Variants in MAPKAP1 observed in about 807,000 individuals in gnomAD.
The protein encoded by MAPKAP1 is target of rapamycin complex 2 subunit MAPKAP1.
A neutral mutation model predicts 65.7 loss-of-function variants in MAPKAP1; 20 were observed. The ratio of observed to expected loss-of-function variants is 0.30; its 90% CI spans 0.21 to 0.44. The LOEUF is 0.44. MAPKAP1 is among the 20% of genes least tolerant of loss of function. MAPKAP1 has a pLI of 1.00. For missense variants in MAPKAP1, 423 were observed against 648.0 expected (o/e 0.65, Z 3.77); for synonymous variants, 222 against 244.3 (o/e 0.91, Z 0.85).
At chr9:125,642,516 T>A (rs1275732234) in intron 4 of MAPKAP1, among the ~76,000 whole-genome samples, 1 of 152,158 alleles carries the variant, frequency 6.6e-6, no homozygotes, top group Non-Finnish European at 1.5e-5. Flanking sequence ...CATTATATGC[T>A]CATTAACATA....
intron 4 of MAPKAP1, among the ~76,000 whole-genome samples, chr9:125,586,683 C>T (rs1274064144): frequency 6.6e-6 from 1 of 152,130 alleles, no homozygotes; most frequent in Non-Finnish European, 1.5e-5. Flanking sequence ...TTTCTGTTAT[C>T]CGCCAACCTT....
intron 1 of MAPKAP1, among the ~76,000 whole-genome samples, chr9:125,705,111 G>T (rs1198247444): frequency 6.6e-6 from 1 of 152,116 alleles, no homozygotes; most frequent in Non-Finnish European, 1.5e-5. Flanking sequence ...ACATTTAAAA[G>T]ATTTCTGTAC....
At chr9:125,545,534 C>A (rs770375796) in intron 6 of MAPKAP1, among the ~76,000 whole-genome samples, 19 of 152,212 alleles carry the variant, frequency 1.2e-4, no homozygotes, top group Non-Finnish European at 2.1e-4. Context: ...ACCTCATGAA[C>A]TGCCATCCAC....
chr9:125,502,995 T>G (rs1454296382), intron 8 of MAPKAP1, among the ~76,000 whole-genome samples: 1 of 152,226 alleles, frequency 6.6e-6, no homozygotes, highest in Non-Finnish European at 1.5e-5. Flanking sequence ...AACTGAACCT[T>G]TCATCATTAT....
intron 9 of MAPKAP1, among the ~76,000 whole-genome samples, chr9:125,479,372 G>T (rs1318978093): frequency 2.0e-5 from 3 of 152,182 alleles, no homozygotes; most frequent in African/African-American, 7.2e-5. Context: ...CTGAGGTCAA[G>T]AGTTCGAGAC....
intron 3 of MAPKAP1, among the ~76,000 whole-genome samples, chr9:125,663,549 T>A (rs1221878059): frequency 6.6e-6 from 1 of 152,326 alleles, no homozygotes; most frequent in East Asian, 1.9e-4. Context: ...CCCAATCGAA[T>A]ATAAGCCCCA....
chr9:125,669,954 C>A, intron 2 of MAPKAP1, 47 bp from the exon 3 acceptor site: 1 of 1,142,894 alleles, frequency 8.7e-7, no homozygotes, highest in South Asian at 1.5e-5. Context: ...GAAAGTTTAC[C>A]ATAAACAAAG....
At chr9:125,689,215 A>T (rs544744110) in intron 1 of MAPKAP1, among the ~76,000 whole-genome samples, 1 of 149,728 alleles carries the variant, frequency 6.7e-6, no homozygotes, top group Admixed American at 6.6e-5. Flanking sequence ...AGGTGGGCGG[A>T]TCACGAAGTC....
intron 7 of MAPKAP1, among the ~76,000 whole-genome samples, chr9:125,534,001 C>T (rs1830004973): frequency 6.6e-6 from 1 of 152,096 alleles, no homozygotes; most frequent in Admixed American, 6.5e-5. Flanking sequence ...ATGCTTATGA[C>T]ACATTGAGTT....
chr9:125,487,089 C>T (rs1295969524), intron 8 of MAPKAP1, among the ~76,000 whole-genome samples: 3 of 152,144 alleles, frequency 2.0e-5, no homozygotes, highest in East Asian at 1.9e-4. Context: ...ATGTACTGAA[C>T]GAATACCAGG....
rs575246262 is a variant in MAPKAP1 at position 125,439,517 on chromosome 9, G to A, written c.1444-505C>T. 6.6e-6 allele frequency among the ~76,000 whole-genome samples: 1 copy of A among 152,338 alleles called. No homozygotes were observed. The highest frequency in any genetic ancestry group is 1.9e-4 in the East Asian group (1 of 5,182). On this transcript the variant is annotated intron_variant, in intron 11 of 11. Coordinates refer to ENST00000265960, the MANE Select transcript of MAPKAP1 (RefSeq NM_001006617.3). The surrounding 1 kb of genome is among the most constrained non-coding windows in gnomAD (Gnocchi z 4.0). ...ACAGTGCTTCCTTCAGGGCTCATGA[G>A]TGCCCAGCCAGGCAGGGCTCACTTG...
At chr9:125,569,969 A>G (rs1831177842) in intron 5 of MAPKAP1, among the ~76,000 whole-genome samples, 1 of 152,220 alleles carries the variant, frequency 6.6e-6, no homozygotes, top group Non-Finnish European at 1.5e-5. Context: ...ACTGATAAAA[A>G]TGTTTAGTCT....
intron 10 of MAPKAP1, among the ~76,000 whole-genome samples, chr9:125,448,977 C>G (rs1379287211): frequency 6.9e-6 from 1 of 145,672 alleles, no homozygotes; most frequent in Admixed American, 6.9e-5. Flanking sequence ...AGCACTCTGG[C>G]CTGGGTGACA....
intron 8 of MAPKAP1, among the ~76,000 whole-genome samples, chr9:125,494,729 G>A (rs990859673): frequency 7.2e-5 from 11 of 152,268 alleles, no homozygotes; most frequent in African/African-American, 2.4e-4. Context: ...CTTCAGATGA[G>A]CAGTCCCTTG....
chr9:125,481,482 G>GCGT, intron 9 of MAPKAP1, among the ~76,000 whole-genome samples: 1 of 151,926 alleles, frequency 6.6e-6, no homozygotes, highest in East Asian at 1.9e-4. Flanking sequence ...GAGTGTAATG[G>GCGT]CGTCATGACA....
At chr9:125,600,668 CTATCTT>C (rs1832274787) in intron 4 of MAPKAP1, among the ~76,000 whole-genome samples, 1 of 151,502 alleles carries the variant, frequency 6.6e-6, no homozygotes, top group Non-Finnish European at 1.5e-5. Context: ...GGAAAGGTCT[CTATCTT>C]AATTATTTTG....
At chr9:125,703,795 G>C (rs952098463) in intron 1 of MAPKAP1, among the ~76,000 whole-genome samples, 1 of 149,294 alleles carries the variant, frequency 6.7e-6, no homozygotes, top group African/African-American at 2.5e-5. Context: ...AACAAGTAAC[G>C]TGACAGAAGT....
intron 4 of MAPKAP1, among the ~76,000 whole-genome samples, chr9:125,588,206 A>G (rs1831847355): frequency 1.3e-5 from 2 of 152,228 alleles, no homozygotes; most frequent in African/African-American, 4.8e-5. Flanking sequence ...AATCCATACA[A>G]TAGAATATTA....
intron 10 of MAPKAP1, among the ~76,000 whole-genome samples, chr9:125,448,133 C>G (rs147075293): frequency 5.3e-5 from 8 of 152,038 alleles, no homozygotes; most frequent in Non-Finnish European, 1.2e-4. Flanking sequence ...AAGCAGTTCC[C>G]GTAGTCAGCC....
Sources: gnomAD v4.1 joint callset for allele counts (sites outside exome capture counted in the v4.1 genomes callset) on GRCh38, gnomAD v4.1.1 for gene constraint, Gnocchi (gnomAD v3.1) non-coding constraint, MANE v1.5 for transcripts, NCBI Gene and HGNC (gene_info 2026-07-23, HGNC 2026-07-21) for gene names.